The following TMEM178B variants were observed in gnomAD, a reference collection of about 807,000 sequenced individuals.
The protein encoded by TMEM178B is transmembrane protein 178B.
In TMEM178B, 5 loss-of-function variants were observed where a neutral mutation model predicts 31.0. That is an observed-to-expected ratio of 0.16 (90% CI 0.08 to 0.34). The LOEUF (loss-of-function observed/expected upper bound fraction) is 0.34, where lower values mean the gene tolerates loss of function less well. Among genes scored for constraint, TMEM178B ranks in the 10% least tolerant of loss-of-function variants. The pLI is 1.00. For missense variants in TMEM178B, 275 were observed against 400.3 expected, an observed-to-expected ratio of 0.69 and a Z score of 2.67; for synonymous variants, 164 against 164.0, an observed-to-expected ratio of 1.00 and a Z score of 0.00.
chr7:141,446,953 C>A (rs982439754), intron 3 of TMEM178B, among the ~76,000 whole-genome samples: 1 of 152,136 alleles, frequency 6.6e-6, no homozygotes, highest in South Asian at 2.1e-4. Context: ...GCCACACAAA[C>A]GCACTACATG....
chr7:141,301,451 G>A (rs558232604), intron 2 of TMEM178B, among the ~76,000 whole-genome samples: 3 of 152,248 alleles, frequency 2.0e-5, no homozygotes, highest in African/African-American at 7.2e-5. Flanking sequence ...CTGGGTGGGT[G>A]ATATTTGTAA....
chr7:141,235,411 A>G (rs939652032), intron 2 of TMEM178B, among the ~76,000 whole-genome samples: 2 of 152,204 alleles, frequency 1.3e-5, no homozygotes, highest in East Asian at 1.9e-4. Context: ...AAATTACTGC[A>G]TATACTCTAA....
At chr7:141,132,697 G>A (rs1230258443) in intron 1 of TMEM178B, among the ~76,000 whole-genome samples, 1 of 151,906 alleles carries the variant, frequency 6.6e-6, no homozygotes, top group Non-Finnish European at 1.5e-5. Flanking sequence ...TGCTACCTAG[G>A]GGCCTGATGA....
At chr7:141,506,577 C>G in the TMEM178B span, among the ~76,000 whole-genome samples, 1 of 152,198 alleles carries the variant, frequency 6.6e-6, no homozygotes, top group Non-Finnish European at 1.5e-5. Context: ...CTCTCGATCC[C>G]TCCTACAGCA....
At chr7:141,363,113 C>A (rs984258041) in intron 2 of TMEM178B, among the ~76,000 whole-genome samples, 2 of 152,064 alleles carry the variant, frequency 1.3e-5, no homozygotes, top group Admixed American at 1.3e-4. Flanking sequence ...CGGAAAAGTC[C>A]CAAGGGCCCT....
intron 2 of TMEM178B, among the ~76,000 whole-genome samples, chr7:141,411,028 T>C (rs907006190): frequency 6.6e-5 from 10 of 152,034 alleles, no homozygotes; most frequent in African/African-American, 2.4e-4. Flanking sequence ...GAAATTAGAA[T>C]GGTGTTCATG....
At chr7:141,259,449 T>G (rs1563134171) in intron 2 of TMEM178B, among the ~76,000 whole-genome samples, 1 of 152,238 alleles carries the variant, frequency 6.6e-6, no homozygotes, top group Non-Finnish European at 1.5e-5. Flanking sequence ...TCATTTTATA[T>G]TGACTGCTTC....
chr7:141,273,172 A>G (rs1364258680), intron 2 of TMEM178B, among the ~76,000 whole-genome samples: 1 of 152,208 alleles, frequency 6.6e-6, no homozygotes, highest in East Asian at 1.9e-4. Context: ...AATCTAAAAA[A>G]ATCAAACTCG....
At chr7:141,431,108 T>C (rs1416776855) in intron 2 of TMEM178B, 1 of 151,670 alleles carries the variant, frequency 6.6e-6, no homozygotes, top group Non-Finnish European at 1.5e-5. Flanking sequence ...TGTGCTTCTT[T>C]CTCTAGCCCC....
intron 2 of TMEM178B, among the ~76,000 whole-genome samples, chr7:141,348,811 A>C (rs1221689717): frequency 1.3e-5 from 2 of 152,232 alleles, no homozygotes; most frequent in East Asian, 3.8e-4. Context: ...TAAGCTAATG[A>C]AACCTCAACT....
chr7:141,423,139 A>C (rs979435218), intron 2 of TMEM178B, among the ~76,000 whole-genome samples: 7 of 152,134 alleles, frequency 4.6e-5, no homozygotes, highest in African/African-American at 1.7e-4. Context: ...TTCCAGGTTC[A>C]AGTGATTCTC....
Position 141,344,579 on chromosome 7 carries a change from CCTTCCTTCCTT to C in TMEM178B, c.497-93027_497-93017del, listed in dbSNP as rs1799578653. On this transcript the variant is annotated intron_variant, in intron 2 of 3. Transcript: ENST00000565468. This position sits in a 1 kb window ranked among gnomAD's most constrained non-coding sequence, Gnocchi z 4.1. ...TCCCTCCATTCCTCCCTCCTCCCTT[CCTTCCTTCCTT>C]CCTTCCTTCCTTCCTTCCTTCCTTC... Among the ~76,000 whole-genome samples, 1 of 14,758 alleles carries C rather than the reference CCTTCCTTCCTT, an allele frequency of 6.8e-5. No individual in the cohort carries two copies. Among genetic ancestry groups the C allele is most frequent in the African/African-American group, 1.9e-4 (1 of 5,220 alleles). 9.7% of individuals were successfully genotyped at this position (14,758 alleles called of 152,430 possible). A position where few individuals can be genotyped will look rare whatever the true frequency, so the allele number is the denominator to read the frequency against.
At chr7:141,101,814 A>G (rs1018970214) in intron 1 of TMEM178B, among the ~76,000 whole-genome samples, 1 of 152,172 alleles carries the variant, frequency 6.6e-6, no homozygotes, top group Non-Finnish European at 1.5e-5. Context: ...TGAATTAGCC[A>G]GTGCAAAGGA....
At chr7:141,230,291 G>A (rs1409833146) in intron 2 of TMEM178B, among the ~76,000 whole-genome samples, 1 of 152,122 alleles carries the variant, frequency 6.6e-6, no homozygotes, top group Non-Finnish European at 1.5e-5. Context: ...ATGCCAAATT[G>A]CTTTCCAGAA....
chr7:141,292,074 G>A (rs1798556622), intron 2 of TMEM178B, among the ~76,000 whole-genome samples: 1 of 152,144 alleles, frequency 6.6e-6, no homozygotes, highest in South Asian at 2.1e-4. Context: ...TGCCTCATGG[G>A]AGGGAGCTCC....
chr7:141,241,590 CAAAAAA>C (rs766018973), intron 2 of TMEM178B, among the ~76,000 whole-genome samples: 1 of 75,972 alleles, frequency 1.3e-5, no homozygotes, highest in African/African-American at 5.6e-5. Flanking sequence ...GACTTCGTCT[CAAAAAA>C]AAAAAAAAAA....
downstream of TMEM178B, among the ~76,000 whole-genome samples, chr7:141,482,393 TGAAA>T (rs1414491882): frequency 6.6e-6 from 1 of 152,256 alleles, no homozygotes; most frequent in Non-Finnish European, 1.5e-5. Flanking sequence ...CACCTCTGGA[TGAAA>T]GTATTGCTTT....
chr7:141,132,097 C>T (rs1024824007), intron 1 of TMEM178B, among the ~76,000 whole-genome samples: 3 of 152,178 alleles, frequency 2.0e-5, no homozygotes, highest in East Asian at 1.9e-4. Context: ...CCTAGGCCTT[C>T]GTTTTGAGTG....
intron 1 of TMEM178B, among the ~76,000 whole-genome samples, chr7:141,142,862 C>A (rs1206364016): frequency 6.6e-6 from 1 of 152,206 alleles, no homozygotes; most frequent in Non-Finnish European, 1.5e-5. Context: ...ATTGTCTTTT[C>A]TCTGCAGCCT....
Sources: allele counts gnomAD v4.1 joint callset (sites outside exome capture counted in the v4.1 genomes callset), GRCh38; gene constraint gnomAD v4.1.1; non-coding constraint Gnocchi (gnomAD v3.1); transcripts MANE v1.5; gene names NCBI Gene and HGNC (gene_info 2026-07-23, HGNC 2026-07-21).